The following TLDC2 variants were observed in gnomAD, a reference collection of about 807,000 sequenced individuals.
The protein encoded by TLDC2 is TBC/LysM-associated domain containing 2.
TLDC2 carries 23 observed loss-of-function variants against 27.9 expected under a neutral mutation model. The ratio of observed to expected loss-of-function variants is 0.82; its 90% CI spans 0.59 to 1.17. The LOEUF (loss-of-function observed/expected upper bound fraction) is 1.17, where lower values mean the gene tolerates loss of function less well. TLDC2 is among the 50% of genes most tolerant of loss of function. The probability of loss-of-function intolerance (pLI) is 0.00; values close to 1 mark genes in which losing one functional copy is unlikely to be tolerated. For synonymous variants in TLDC2, 124 were observed against 107.4 expected (o/e 1.16, Z -0.96); for missense variants, 286 against 273.4 (o/e 1.05, Z -0.32).
intron 4 of TLDC2, among the ~76,000 whole-genome samples, chr20:36,882,279 A>G (rs1162798513): frequency 6.6e-6 from 1 of 152,236 alleles, no homozygotes; most frequent in African/African-American, 2.4e-5. Flanking sequence ...CCTGTGGTTC[A>G]TGCCTATAAT....
At chr20:36,883,914 T>C (rs992036061) in intron 4 of TLDC2, among the ~76,000 whole-genome samples, 3 of 152,124 alleles carry the variant, frequency 2.0e-5, no homozygotes, top group African/African-American at 7.2e-5. Context: ...GCCAACACGG[T>C]GAAACCCCGT....
Position 36,893,248 on chromosome 20 carries a change from C to T in TLDC2, c.*404C>T. ...TGCTTGGGGCAAATTAGAAACACTA[C>T]AGTCTTACGCAGGAAGAGCCTTCAT... On this transcript the variant is annotated 3_prime_UTR_variant, in exon 7 of 7. Transcript: ENST00000217320. The T allele has an allele frequency of 2.9e-6, 2 of 682,942 alleles. No individual in the cohort carries two copies. The highest frequency in any genetic ancestry group is 5.0e-6 in the Non-Finnish European group (2 of 402,626). 42.3% of individuals were successfully genotyped at this position (682,942 alleles called of 1,614,324 possible). A position where few individuals can be genotyped will look rare whatever the true frequency, so the allele number is the denominator to read the frequency against.
chr20:36,881,006 T>G (rs1291126), intron 4 of TLDC2, among the ~76,000 whole-genome samples: 116,649 of 152,152 alleles, frequency 0.77, 45,637 homozygotes, highest in Middle Eastern at 0.89. Context: ...GCCAGGCACA[T>G]GCTGGGAAGA....
chr20:36,886,051 GTGTAGTCAA>G (rs1989913932), intron 4 of TLDC2, among the ~76,000 whole-genome samples: 1 of 152,192 alleles, frequency 6.6e-6, no homozygotes, highest in South Asian at 2.1e-4. Flanking sequence ...TGTGGCTAAT[GTGTAGTCAA>G]TAAGGGGGAG....
intron 4 of TLDC2, among the ~76,000 whole-genome samples, chr20:36,884,302 G>T (rs189132311): frequency 6.6e-6 from 1 of 152,136 alleles, no homozygotes; most frequent in African/African-American, 2.4e-5. Context: ...CCTCTGAGCT[G>T]GTCCTTAAAC....
intron 4 of TLDC2, among the ~76,000 whole-genome samples, chr20:36,883,498 C>T (rs1438648980): frequency 6.6e-6 from 1 of 152,098 alleles, no homozygotes; most frequent in Non-Finnish European, 1.5e-5. Flanking sequence ...CCGCACAAAG[C>T]CTCCTCCTCC....
rs1402278784 is a variant in TLDC2 at position 36,880,775 on chromosome 20, G to A, written c.438+25G>A. ...GGTGATGTTCCCAACCTTCCATGGG[G>A]GGAGTGGGGCGTGTGGCGAGACAAA... On this transcript the variant is annotated intron_variant, in intron 4 of 6. Coordinates refer to ENST00000217320, the MANE Select transcript of TLDC2 (RefSeq NM_080628.3). 1.9e-6 allele frequency: 3 copies of A among 1,607,854 alleles called. No individual in the cohort carries two copies. In the South Asian group the frequency reaches 3.3e-5, roughly 18 times the overall value.
At chr20:36,889,972 G>A (rs1487451293) in intron 6 of TLDC2, 1 of 152,110 alleles carries the variant, frequency 6.6e-6, no homozygotes, top group Admixed American at 6.6e-5. Flanking sequence ...GTGTGGAAAT[G>A]ATTTTAACTT....
chr20:36,878,932 G>A lies in TLDC2; in HGVS notation c.190-109G>A, dbSNP rs572296453. On this transcript the variant is annotated intron_variant, in intron 2 of 6. Coordinates refer to ENST00000217320, the MANE Select transcript of TLDC2 (RefSeq NM_080628.3). ...CCTAGAAACAGCAAACTGCTCTATC[G>A]CCTGTAAAGCACTGTGCTGGATGCA... 178 of 1,523,556 alleles carry A rather than the reference G, an allele frequency of 1.2e-4. 1 individual carries two copies. The highest frequency in any genetic ancestry group is 5.1e-4 in the Admixed American group (29 of 56,878). 94.4% of individuals were successfully genotyped at this position (1,523,556 alleles called of 1,614,324 possible).
At chr20:36,886,706 G>C (rs1319450129) in intron 4 of TLDC2, among the ~76,000 whole-genome samples, 2 of 152,182 alleles carry the variant, frequency 1.3e-5, no homozygotes, top group South Asian at 4.2e-4. Context: ...TGATCCTCCC[G>C]CCTCAGCCTA....
intron 4 of TLDC2, among the ~76,000 whole-genome samples, chr20:36,887,094 G>A (rs1989936578): frequency 6.6e-6 from 1 of 152,032 alleles, no homozygotes; most frequent in Non-Finnish European, 1.5e-5. Flanking sequence ...AAGAGCAGGC[G>A]GGCTGGTGTT....
In TLDC2 at chr20:36,884,981, C is replaced by T. The variant is rs377738946; in HGVS notation, c.439-2474C>T. Among the ~76,000 whole-genome samples the T allele has an allele frequency of 7.2e-4, 105 of 146,686 alleles. 1 individual carries two copies. The highest frequency in any genetic ancestry group is 1.6e-3 in the Admixed American group (23 of 14,192). On this transcript the variant is annotated intron_variant, in intron 4 of 6. Coordinates refer to ENST00000217320, the MANE Select transcript of TLDC2 (RefSeq NM_080628.3). The stretch of plus-strand genomic sequence containing the variant: ...GCAACCTCTGCCTCCCAGGTTCAAG[C>T]GATTCTCCTGCCTCAGCCTCCCGAG...
At chr20:36,892,782 T>C (rs1990107386) in intron 6 of TLDC2, 80 bp from the exon 7 acceptor site, 2 of 984,788 alleles carry the variant, frequency 2.0e-6, no homozygotes, top group Non-Finnish European at 3.3e-6. Flanking sequence ...TCTTATTTCT[T>C]TGATTAAAAG....
intron 4 of TLDC2, among the ~76,000 whole-genome samples, 164 bp downstream of exon 4, chr20:36,880,914 G>T (rs1191291231): frequency 1.3e-5 from 2 of 152,236 alleles, no homozygotes; most frequent in African/African-American, 4.8e-5. Context: ...CATCCCCCTT[G>T]ACCTGCCTGT....
rs1568756345 is a variant in TLDC2 at position 36,892,941 on chromosome 20, G to T, written c.*97G>T. 6.2e-7 allele frequency: 1 copy of T among 1,613,992 alleles called. No individual in the cohort carries two copies. Among genetic ancestry groups the T allele is most frequent in the East Asian group, 2.2e-5 (1 of 44,870 alleles). The stretch of plus-strand genomic sequence containing the variant: ...AACTGACTACAGACATTCACATTGG[G>T]TCATCTTTAAAAAGCTGGACTCTGC... On this transcript the variant is annotated 3_prime_UTR_variant, in exon 7 of 7. Coordinates refer to ENST00000217320, the MANE Select transcript of TLDC2 (RefSeq NM_080628.3).
At chr20:36,887,027 G>T (rs1181311976) in intron 4 of TLDC2, among the ~76,000 whole-genome samples, 5 of 152,066 alleles carry the variant, frequency 3.3e-5, no homozygotes, top group Non-Finnish European at 7.4e-5. Flanking sequence ...ATGGCGGCAG[G>T]CCCGCTGTGT....
Position 36,889,231 on chromosome 20 carries a change from G to T in TLDC2, c.513-20G>T, listed in dbSNP as rs760982896. On this transcript the variant is annotated intron_variant, in intron 5 of 6. Transcript: ENST00000217320. ...AGCACACAGGAGTGAGCCGCACCAA[G>T]ACTGTCCTCTTCTCTCTAGTGGCCG... The T allele has an allele frequency of 1.2e-6, 2 of 1,613,510 alleles. No individual in the cohort carries two copies. The highest frequency in any genetic ancestry group is 1.3e-5 in the African/African-American group (1 of 74,920).
intron 5 of TLDC2, among the ~76,000 whole-genome samples, chr20:36,888,343 TGCCTCAGC>T (rs1227290375): frequency 6.6e-6 from 1 of 151,618 alleles, no homozygotes; most frequent in Non-Finnish European, 1.5e-5. Flanking sequence ...GTGATTCTCC[TGCCTCAGC>T]GTCTCGAGTA....
At chr20:36,877,773 G>T in intron 1 of TLDC2, 126 bp from the exon 2 acceptor site, 1 of 1,132,574 alleles carries the variant, frequency 8.8e-7, no homozygotes, top group Non-Finnish European at 1.3e-6. Flanking sequence ...CCTGGGCTGG[G>T]CTGGGGGTTA....
Sources: allele counts gnomAD v4.1 joint callset (sites outside exome capture counted in the v4.1 genomes callset), GRCh38; gene constraint gnomAD v4.1.1; transcripts MANE v1.5; gene names NCBI Gene and HGNC (gene_info 2026-07-23, HGNC 2026-07-21).